The following RYR1 variants were observed in gnomAD, a reference collection of about 807,000 sequenced individuals.
RYR1 encodes ryanodine receptor 1.
Under a neutral mutation model 583.5 loss-of-function variants are expected in RYR1, and 342 were observed. The ratio of observed to expected loss-of-function variants is 0.59; its 90% confidence interval spans 0.54 to 0.64. The LOEUF (loss-of-function observed/expected upper bound fraction) is 0.64, where lower values mean the gene tolerates loss of function less well. Ranked by LOEUF, RYR1 falls within the 30% of genes least tolerant of loss-of-function variation. The probability of loss-of-function intolerance (pLI) is 0.00; values close to 1 mark genes in which losing one functional copy is unlikely to be tolerated. For synonymous variants in RYR1, 2,791 were observed against 2,822.5 expected (o/e 0.99, Z 0.35); for missense variants, 6,032 against 6,917.2 (o/e 0.87, Z 4.54).
In RYR1 at chr19:38,444,073, G is replaced by A; in HGVS notation, c.425-76G>A. The A allele has an allele frequency of 1.6e-6, 2 of 1,289,780 alleles. No individual in the cohort carries two copies. The highest frequency in any genetic ancestry group is 1.1e-6 in the Non-Finnish European group (1 of 885,842). The allele number at this position is 1,289,780 out of a possible 1,614,324, so 79.9% of individuals were successfully genotyped here. On this transcript the variant is annotated intron_variant, in intron 5 of 105. Transcript: ENST00000359596. The surrounding 1 kb of genome is among the most constrained non-coding windows in gnomAD (Gnocchi z 5.1). ...GGGCCAAGGGCCCGGGAGGCCTGGT[G>A]GAGGGAGAGCCCTGGGGAAGAGCAT...
chr19:38,505,252 GC>G, intron 52 of RYR1, 56 bp from the exon 53 acceptor site: 1 of 1,320,920 alleles, frequency 7.6e-7, no homozygotes, highest in Non-Finnish European at 1.1e-6. Flanking sequence ...CTCCAGGGTC[GC>G]CCCGTGTGTC....
chr19:38,441,623 G>A (rs73930576), intron 2 of RYR1, among the ~76,000 whole-genome samples: 2 of 151,384 alleles, frequency 1.3e-5, no homozygotes, highest in East Asian at 3.9e-4. Flanking sequence ...GGGGACACCC[G>A]CAGGGGCCTG....
intron 27 of RYR1, 107 bp from the exon 28 acceptor site, chr19:38,473,270 C>A: frequency 7.3e-7 from 1 of 1,369,722 alleles, no homozygotes; most frequent in Non-Finnish European, 1.0e-6. Context: ...AATTCCCATG[C>A]AGGTGCACTA....
At position 38,534,748 on chromosome 19, in the gene RYR1, T is replaced by G; in HGVS notation, c.11288T>G (p.Leu3763Trp). Residue 3763 changes from leucine (L) to tryptophan (W), a missense_variant, in exon 79 of 106, where the codon TTG becomes TGG. Leu to Trp is a moderately conservative substitution (Grantham distance 61). This residue lies in a region of RYR1 where 1,493 missense variants were observed against 1,715.5 expected (regional missense o/e 0.87). Transcript: ENST00000359596. ...AAACAGATGGAGAAGCAGAGGCTCTTGTACCAGCAAGCACGGCTGCACACC... is the reference window on the plus strand; with the variant it reads ...AAACAGATGGAGAAGCAGAGGCTCTGGTACCAGCAAGCACGGCTGCACACC... The part of the protein sequence containing the change: ...EEKQMEKQRL[L>W]YQQARLHTRG... The G allele has an allele frequency of 6.2e-7, 1 of 1,614,040 alleles. No homozygotes were observed. The highest frequency in any genetic ancestry group is 1.1e-5 in the South Asian group (1 of 91,014).
chr19:38,527,319 T>A (rs1971508783), intron 72 of RYR1, among the ~76,000 whole-genome samples: 1 of 152,212 alleles, frequency 6.6e-6, no homozygotes, highest in Non-Finnish European at 1.5e-5. Context: ...GAGACCAGCC[T>A]GGCCAACGTG....
At position 38,561,478 on chromosome 19, in the gene RYR1, A is replaced by G. The variant is rs753174956; in HGVS notation, c.12624+24A>G. The G allele has an allele frequency of 3.8e-6, 6 of 1,594,404 alleles. No homozygotes were observed. The highest frequency in any genetic ancestry group is 5.1e-6 in the Non-Finnish European group (6 of 1,172,710). ...AGGTCAGGGAACCCGCGCGCGTGCAAGCTCGCCTCCTGGGGCTTCGGGCAT... is the reference window on the plus strand; with the variant it reads ...AGGTCAGGGAACCCGCGCGCGTGCAGGCTCGCCTCCTGGGGCTTCGGGCAT... On this transcript the variant is annotated intron_variant, in intron 90 of 105. Transcript: ENST00000359596. This position sits in a 1 kb window ranked among gnomAD's most constrained non-coding sequence, Gnocchi z 4.8.
Position 38,496,385 on chromosome 19 carries a change from C to A in RYR1, c.6664-24C>A. 1 of 1,613,750 alleles carries A rather than the reference C, an allele frequency of 6.2e-7. No homozygotes were observed. On this transcript the variant is annotated intron_variant, in intron 40 of 105. Coordinates refer to ENST00000359596, the MANE Select transcript of RYR1 (RefSeq NM_000540.3). This position sits in a 1 kb window ranked among gnomAD's most constrained non-coding sequence, Gnocchi z 4.8. ...AGGGGAGGCAGCCACAGAGGGCAGG[C>A]CCTGACCACCCTGCCTGTCCCAGGA... is the stretch of plus-strand genomic sequence containing the variant.
At chr19:38,463,365 T>C in intron 20 of RYR1, 58 bp from the exon 21 acceptor site, 1 of 1,446,800 alleles carries the variant, frequency 6.9e-7, no homozygotes, top group Non-Finnish European at 9.6e-7. Context: ...GAAAGAGGGG[T>C]CATGATGGAG....
Position 38,494,746 on chromosome 19 carries a change from A to T in RYR1, c.6548+121A>T, listed in dbSNP as rs932115511. 9 of 1,252,002 alleles carry T rather than the reference A, an allele frequency of 7.2e-6. No individual in the cohort carries two copies. The East Asian group carries it at 9.4e-5, about 13-fold the overall frequency. 77.6% of individuals were successfully genotyped at this position (1,252,002 alleles called of 1,614,324 possible). A position where few individuals can be genotyped will look rare whatever the true frequency, so the allele number is the denominator to read the frequency against. ...TCCTCTGGGTGATCTCAGTCTCTCGATGGCTAGCTCACCTCCTGGGTAATG... is the reference window on the plus strand; with the variant it reads ...TCCTCTGGGTGATCTCAGTCTCTCGTTGGCTAGCTCACCTCCTGGGTAATG... On this transcript the variant is annotated intron_variant, in intron 39 of 105. Transcript: ENST00000359596.
At chr19:38,510,444 C>T (rs1355992040) in intron 58 of RYR1, 54 bp from the exon 59 acceptor site, 1 of 1,591,338 alleles carries the variant, frequency 6.3e-7, no homozygotes, top group African/African-American at 1.3e-5. Context: ...CATCAGAACA[C>T]CCTGGGTTCC....
chr19:38,550,288 T>G (rs1336496160), intron 89 of RYR1, among the ~76,000 whole-genome samples: 1 of 152,154 alleles, frequency 6.6e-6, no homozygotes, highest in African/African-American at 2.4e-5. Flanking sequence ...GTTTTCCTCC[T>G]TCAGTCTGGA....
chr19:38,503,150 C>T (rs1004192286), intron 49 of RYR1, among the ~76,000 whole-genome samples, 180 bp downstream of exon 49: 7 of 152,180 alleles, frequency 4.6e-5, no homozygotes, highest in African/African-American at 1.7e-4. Context: ...ATTCCCAGAA[C>T]ATTCACTTTG....
In RYR1 at chr19:38,537,970, A is replaced by G; in HGVS notation, c.11689+10A>G. 1 of 799,800 alleles carries G rather than the reference A, an allele frequency of 1.3e-6. No individual in the cohort carries two copies. The highest frequency in any genetic ancestry group is 2.0e-6 in the Non-Finnish European group (1 of 488,738). The allele number at this position is 799,800 out of a possible 1,614,324, so 49.5% of individuals were successfully genotyped here. On this transcript the variant is annotated intron_variant, in intron 84 of 105. Coordinates refer to ENST00000359596, the MANE Select transcript of RYR1 (RefSeq NM_000540.3). Reference sequence around the variant, plus strand: ...GAGGGGCACAATAATGGTGAGGAGGAGGGGTGTGGGGTGGAGGGGAAGCCG... The same window carrying G: ...GAGGGGCACAATAATGGTGAGGAGGGGGGGTGTGGGGTGGAGGGGAAGCCG...
chr19:38,466,638 A>T (rs1418936788), intron 24 of RYR1, among the ~76,000 whole-genome samples: 2 of 150,192 alleles, frequency 1.3e-5, no homozygotes, highest in East Asian at 3.9e-4. Context: ...AGTAGCTGGG[A>T]TTACCGGCGG....
At chr19:38,508,850 G>C (rs1229687990) in intron 58 of RYR1, among the ~76,000 whole-genome samples, 1 of 152,080 alleles carries the variant, frequency 6.6e-6, no homozygotes, top group Non-Finnish European at 1.5e-5. Context: ...AGCCGAGGAG[G>C]GACGTGATCC....
rs761665467 is a variant in RYR1 at position 38,459,150 on chromosome 19, C to G, written c.2172C>G (p.His724Gln). 6.8e-6 allele frequency: 11 copies of G among 1,613,114 alleles called. No homozygotes were observed. In the South Asian group the frequency reaches 1.2e-4, roughly 18 times the overall value. ...CATCTCTGGTGACTGATGCAGGACA[C>G]GTGGCACGCCCAGTGACTTCCCCAG... ...GFDGLHLWTG[H>Q]VARPVTSPGQ... Residue 724 changes from histidine to glutamine, a missense_variant, in exon 19 of 106, where the codon CAC becomes CAG. Coordinates refer to ENST00000359596, the MANE Select transcript of RYR1 (RefSeq NM_000540.3).
intron 5 of RYR1, 122 bp downstream of exon 5, chr19:38,443,918 G>A (rs1397227756): frequency 1.3e-5 from 12 of 932,896 alleles, no homozygotes; most frequent in Admixed American, 1.9e-5. Flanking sequence ...TGGGGGCTTC[G>A]TAGCAGAGAG....
chr19:38,519,191 C>T (rs1420887207), intron 66 of RYR1, 23 bp from the exon 67 acceptor site: 1 of 1,614,042 alleles, frequency 6.2e-7, no homozygotes, highest in Admixed American at 1.7e-5. Flanking sequence ...GAGGTGGCAT[C>T]AGAGCCCATC....
intron 71 of RYR1, among the ~76,000 whole-genome samples, chr19:38,526,669 C>T (rs1280940278): frequency 6.6e-6 from 1 of 151,848 alleles, no homozygotes; most frequent in African/African-American, 2.4e-5. Flanking sequence ...GACTCCCTGC[C>T]CCACTCTGAC....
Sources: gnomAD v4.1 joint callset for allele counts (sites outside exome capture counted in the v4.1 genomes callset) on GRCh38, gnomAD v4.1.1 for gene constraint, gnomAD v4.1.1 regional missense constraint, Gnocchi (gnomAD v3.1) non-coding constraint, MANE v1.5 for transcripts, NCBI Gene and HGNC (gene_info 2026-07-23, HGNC 2026-07-21) for gene names.